The following RANBP17 variants were observed in gnomAD, a reference collection of about 807,000 sequenced individuals.
RANBP17 encodes RAN binding protein 17, also known as ran-binding protein 17.
RANBP17 carries 158 observed loss-of-function variants against 141.2 expected under a neutral mutation model. The ratio of observed to expected loss-of-function variants is 1.12; its 90% confidence interval spans 0.98 to 1.28. The LOEUF (loss-of-function observed/expected upper bound fraction) is 1.28, where lower values mean the gene tolerates loss of function less well. Among genes scored for constraint, RANBP17 ranks in the 50% most tolerant of loss-of-function variants. The pLI is 0.00. For missense variants in RANBP17, 1,438 were observed against 1,290.7 expected (o/e 1.11, Z -1.75); for synonymous variants, 430 against 450.0 (o/e 0.96, Z 0.56).
Position 170,957,934 on chromosome 5 carries a change from C to A in RANBP17, c.1574+4232C>A, listed in dbSNP as rs145957981. Among the ~76,000 whole-genome samples the A allele has an allele frequency of 2.6e-3, 395 of 152,250 alleles. 1 individual carries two copies. Among genetic ancestry groups the A allele is most frequent in the Non-Finnish European group, 4.0e-3 (269 of 68,026 alleles). On this transcript the variant is annotated intron_variant, in intron 13 of 27. Coordinates refer to ENST00000523189, the MANE Select transcript of RANBP17 (RefSeq NM_022897.5). ...CACCAGAGGCTTGCAGGAACCTAAT[C>A]CTGTATTTTACCTAGGAGCAATGGT...
intron 14 of RANBP17, among the ~76,000 whole-genome samples, chr5:171,102,827 T>A (rs961620037): frequency 2.0e-5 from 3 of 152,166 alleles, no homozygotes; most frequent in African/African-American, 7.2e-5. Context: ...GCTTTCTGTT[T>A]GTTAGTTTTC....
rs1780583052 is a variant in RANBP17 at position 171,018,107 on chromosome 5, G to C, written c.1710+49730G>C. ...TCTGAGGTCTCTTTTCTGTTCCATT[G>C]GTCTGTATGTCTGTTTTGGTACCAG... is the stretch of plus-strand genomic sequence containing the variant. On this transcript the variant is annotated intron_variant, in intron 14 of 27. Transcript: ENST00000523189. Among the ~76,000 whole-genome samples, 5 of 151,986 alleles carry C rather than the reference G, an allele frequency of 3.3e-5. 1 individual carries two copies. In the South Asian group the frequency reaches 1.0e-3, roughly 32 times the overall value.
At chr5:170,923,791 T>C (rs1772676017) in intron 11 of RANBP17, among the ~76,000 whole-genome samples, 1 of 152,162 alleles carries the variant, frequency 6.6e-6, no homozygotes, top group Non-Finnish European at 1.5e-5. Flanking sequence ...AATTTCTAGT[T>C]GTTCACTGCC....
At chr5:171,194,842 G>T (rs1191407268) in intron 18 of RANBP17, among the ~76,000 whole-genome samples, 1 of 152,104 alleles carries the variant, frequency 6.6e-6, no homozygotes, top group Non-Finnish European at 1.5e-5. Context: ...TCCACCCCTG[G>T]AGGTTTTAAA....
intron 24 of RANBP17, among the ~76,000 whole-genome samples, chr5:171,259,967 C>T (rs919469189): frequency 2.7e-5 from 4 of 149,962 alleles, no homozygotes; most frequent in Admixed American, 6.7e-5. Context: ...GGCAACAGAG[C>T]GAGACTGTCT....
chr5:171,264,621 C>G (rs1251626133), intron 24 of RANBP17, among the ~76,000 whole-genome samples: 3 of 152,180 alleles, frequency 2.0e-5, no homozygotes, highest in African/African-American at 7.2e-5. Context: ...AACACAGTAA[C>G]TCATAGTAAG....
At chr5:171,114,606 T>C (rs554008677) in intron 14 of RANBP17, among the ~76,000 whole-genome samples, 1 of 151,444 alleles carries the variant, frequency 6.6e-6, no homozygotes, top group East Asian at 1.9e-4. Flanking sequence ...GGGAATATTC[T>C]GTTTTCTTTC....
intron 25 of RANBP17, among the ~76,000 whole-genome samples, chr5:171,275,389 ATGCTGT>A (rs1767423070): frequency 6.6e-6 from 1 of 152,196 alleles, no homozygotes; most frequent in African/African-American, 2.4e-5. Flanking sequence ...AAGTCATCTC[ATGCTGT>A]TGCTGGAAAT....
chr5:171,101,599 A>C (rs1352906354), intron 14 of RANBP17, among the ~76,000 whole-genome samples: 1 of 152,170 alleles, frequency 6.6e-6, no homozygotes, highest in African/African-American at 2.4e-5. Flanking sequence ...ATTTACATTT[A>C]AGGTTAATAT....
At chr5:171,127,415 CAAAG>C (rs1388902464) in intron 14 of RANBP17, among the ~76,000 whole-genome samples, 1 of 152,026 alleles carries the variant, frequency 6.6e-6, no homozygotes, top group African/African-American at 2.4e-5. Context: ...TGGAACAAGA[CAAAG>C]AAGAGACGAC....
At chr5:171,115,778 G>A (rs1439468305) in intron 14 of RANBP17, among the ~76,000 whole-genome samples, 2 of 152,204 alleles carry the variant, frequency 1.3e-5, no homozygotes, top group African/African-American at 4.8e-5. Flanking sequence ...ATAGATGACA[G>A]TTTGTCCAGA....
At chr5:171,216,146 T>C (rs769402898) in intron 21 of RANBP17, among the ~76,000 whole-genome samples, 4 of 152,204 alleles carry the variant, frequency 2.6e-5, no homozygotes, top group African/African-American at 4.8e-5. Context: ...CAGCACCATT[T>C]ATTAAATAGG....
chr5:170,934,665 G>A (rs1004709643), intron 12 of RANBP17, among the ~76,000 whole-genome samples: 15 of 152,156 alleles, frequency 9.9e-5, no homozygotes, highest in African/African-American at 7.2e-5. Context: ...AGTTTCTGCC[G>A]AGAGATCTGC....
intron 5 of RANBP17, among the ~76,000 whole-genome samples, chr5:170,907,579 A>G (rs1771170370): frequency 6.6e-6 from 1 of 152,112 alleles, no homozygotes; most frequent in South Asian, 2.1e-4. Flanking sequence ...CATATTATGG[A>G]TATGATGAGA....
intron 25 of RANBP17, among the ~76,000 whole-genome samples, chr5:171,277,257 TAAG>T (rs879779339): frequency 1.3e-5 from 2 of 151,970 alleles, no homozygotes; most frequent in Non-Finnish European, 2.9e-5. Context: ...TTTTATGACA[TAAG>T]AAAATGACAC....
intron 14 of RANBP17, among the ~76,000 whole-genome samples, chr5:171,104,804 G>A (rs1028929012): frequency 5.9e-5 from 9 of 152,094 alleles, no homozygotes; most frequent in East Asian, 3.9e-4. Flanking sequence ...TCAATAACTC[G>A]CATATAGAAG....
intron 19 of RANBP17, among the ~76,000 whole-genome samples, chr5:171,201,702 A>C (rs1318197730): frequency 6.6e-6 from 1 of 152,234 alleles, no homozygotes; most frequent in Non-Finnish European, 1.5e-5. Flanking sequence ...CATCTGTCTA[A>C]TTTGTATAAA....
At chr5:171,221,665 GCTA>G in intron 21 of RANBP17, 90 bp from the exon 22 acceptor site, 1 of 730,202 alleles carries the variant, frequency 1.4e-6, no homozygotes, top group Non-Finnish European at 2.4e-6. Context: ...TTGTACTGCT[GCTA>G]CTTCTTATAA....
At chr5:171,173,504 TTC>T (rs1183777379) in intron 16 of RANBP17, among the ~76,000 whole-genome samples, 14 of 152,090 alleles carry the variant, frequency 9.2e-5, no homozygotes, top group Non-Finnish European at 1.5e-4. Context: ...TTCAGATACT[TTC>T]TGTTTTATTT....
Sources: allele counts gnomAD v4.1 joint callset (sites outside exome capture counted in the v4.1 genomes callset), GRCh38; gene constraint gnomAD v4.1.1; transcripts MANE v1.5; gene names NCBI Gene and HGNC (gene_info 2026-07-23, HGNC 2026-07-21).